Variants in RIMS1 observed in about 807,000 individuals in gnomAD.
The protein encoded by RIMS1 is regulating synaptic membrane exocytosis 1.
Under a neutral mutation model 214.1 loss-of-function variants are expected in RIMS1, and 83 were observed. The observed-to-expected ratio is 0.39, with a 90% CI of 0.32 to 0.47. The LOEUF (loss-of-function observed/expected upper bound fraction) is 0.47. Ranked by LOEUF, RIMS1 falls within the 20% of genes least tolerant of loss-of-function variation. The pLI is 0.99. For synonymous variants in RIMS1, 793 were observed against 786.8 expected, an observed-to-expected ratio of 1.01 and a Z score of -0.13; for missense variants, 2,050 against 2,161.8, an observed-to-expected ratio of 0.95 and a Z score of 1.03.
At chr6:72,037,512 T>G (rs749365010) in intron 2 of RIMS1, among the ~76,000 whole-genome samples, 8 of 150,954 alleles carry the variant, frequency 5.3e-5, no homozygotes, top group Non-Finnish European at 7.4e-5. Context: ...GAGGTTTTAG[T>G]TTTTTTTTAA....
intron 1 of RIMS1, among the ~76,000 whole-genome samples, chr6:71,935,886 G>A (rs957183537): frequency 3.9e-5 from 6 of 152,146 alleles, no homozygotes; most frequent in African/African-American, 1.2e-4. Context: ...TTCACCGGGA[G>A]CACCAAAGAA....
chr6:71,955,342 T>A (rs1468679267), intron 1 of RIMS1, among the ~76,000 whole-genome samples: 1 of 152,088 alleles, frequency 6.6e-6, no homozygotes, highest in Non-Finnish European at 1.5e-5. Context: ...AACTTTTGTA[T>A]TTTTAGTAGA....
chr6:71,994,127 G>C (rs1301349734), intron 2 of RIMS1, among the ~76,000 whole-genome samples: 1 of 152,148 alleles, frequency 6.6e-6, no homozygotes, highest in Non-Finnish European at 1.5e-5. Flanking sequence ...GATGGTAATG[G>C]GAATTCCCCT....
chr6:72,110,021 G>A (rs2035703060), intron 4 of RIMS1, among the ~76,000 whole-genome samples: 1 of 151,942 alleles, frequency 6.6e-6, no homozygotes, highest in South Asian at 2.1e-4. Context: ...TAGATATGTG[G>A]CGTTATTTCT....
chr6:72,240,491 AATAT>A (rs1331302334), intron 9 of RIMS1, among the ~76,000 whole-genome samples: 1 of 151,714 alleles, frequency 6.6e-6, no homozygotes, highest in East Asian at 1.9e-4. Context: ...ATATAATATG[AATAT>A]ATATACACAC....
chr6:72,060,888 C>G (rs78959046), intron 2 of RIMS1, among the ~76,000 whole-genome samples: 1 of 152,078 alleles, frequency 6.6e-6, no homozygotes. Context: ...GTACTTAACA[C>G]GTTTCCTTAT....
intron 2 of RIMS1, among the ~76,000 whole-genome samples, chr6:72,083,001 G>A (rs1833784200): frequency 6.6e-6 from 1 of 152,156 alleles, no homozygotes; most frequent in Non-Finnish European, 1.5e-5. Context: ...GTAAGGTAAT[G>A]ATACTTTGTC....
chr6:72,279,518 G>A lies in RIMS1; in HGVS notation c.3483-4529G>A, dbSNP rs919446309. Among the ~76,000 whole-genome samples the A allele has an allele frequency of 1.4e-4, 21 of 152,068 alleles. No individual in the cohort carries two copies. The East Asian group carries it at 3.1e-3, about 22-fold the overall frequency. Reference sequence around the variant, plus strand: ...AAAGGGAGAAAAACTCAAGATTTCTGATTCTTGCATGTTTAAAACCAAGTA... The same window carrying A: ...AAAGGGAGAAAAACTCAAGATTTCTAATTCTTGCATGTTTAAAACCAAGTA... On this transcript the variant is annotated intron_variant, in intron 23 of 33. Coordinates refer to ENST00000521978, the MANE Select transcript of RIMS1 (RefSeq NM_014989.7).
intron 29 of RIMS1, among the ~76,000 whole-genome samples, chr6:72,362,833 A>T (rs1240641061): frequency 6.6e-6 from 1 of 152,126 alleles, no homozygotes; most frequent in African/African-American, 2.4e-5. Flanking sequence ...TAGCACAGAG[A>T]ATATAGAATT....
chr6:71,903,125 C>T (rs978905434), intron 1 of RIMS1, among the ~76,000 whole-genome samples: 6 of 152,122 alleles, frequency 3.9e-5, no homozygotes, highest in African/African-American at 1.2e-4. Context: ...AATGGTTGAA[C>T]TAATTTACAT....
chr6:72,285,981 T>A (rs1011275984), intron 24 of RIMS1, among the ~76,000 whole-genome samples: 2 of 152,158 alleles, frequency 1.3e-5, no homozygotes, highest in Non-Finnish European at 2.9e-5. Context: ...GCAGATCATC[T>A]GAGGTCGGGA....
At chr6:72,306,243 A>G (rs1432619227) in intron 26 of RIMS1, among the ~76,000 whole-genome samples, 2 of 152,042 alleles carry the variant, frequency 1.3e-5, no homozygotes, top group South Asian at 2.1e-4. Context: ...ATACACACAC[A>G]CACGCATGCT....
intron 6 of RIMS1, among the ~76,000 whole-genome samples, chr6:72,187,829 GT>G (rs1434309798): frequency 2.0e-5 from 3 of 152,028 alleles, no homozygotes; most frequent in African/African-American, 7.3e-5. Context: ...GTGTATTAGG[GT>G]TCTCTAGAGG....
chr6:72,356,129 TA>T (rs1403992434), intron 29 of RIMS1, among the ~76,000 whole-genome samples: 1 of 152,166 alleles, frequency 6.6e-6, no homozygotes, highest in Non-Finnish European at 1.5e-5. Flanking sequence ...ATCTCTAAAT[TA>T]TGTCCACTTT....
chr6:72,260,696 T>A lies in RIMS1; in HGVS notation c.3054-9T>A, dbSNP rs1257225878. 6.2e-7 allele frequency: 1 copy of A among 1,612,252 alleles called. No homozygotes were observed. Among genetic ancestry groups the A allele is most frequent in the Admixed American group, 1.7e-5 (1 of 59,820 alleles). ...TCTGTTTCACTCACCACCCATCCTG[T>A]CTGTGCAGTGAGCTTCTTATGCTGC... On this transcript the variant is annotated splice_polypyrimidine_tract_variant and intron_variant, in intron 18 of 33. Coordinates refer to ENST00000521978, the MANE Select transcript of RIMS1 (RefSeq NM_014989.7).
intron 4 of RIMS1, among the ~76,000 whole-genome samples, chr6:72,117,961 T>C (rs1010524252): frequency 2.1e-4 from 32 of 151,480 alleles, no homozygotes; most frequent in African/African-American, 7.5e-4. Flanking sequence ...AGTAAAATAA[T>C]ACAAAAGAGA....
rs1596459182 is a variant in RIMS1 at position 72,400,921 on chromosome 6, A to G, written c.*207A>G. ...GCAATCTATCAAATTTACAGGAAGAATCAACATGCTGGTGAGAGTCACTGA... is the reference window on the plus strand; with the variant it reads ...GCAATCTATCAAATTTACAGGAAGAGTCAACATGCTGGTGAGAGTCACTGA... On this transcript the variant is annotated 3_prime_UTR_variant, in exon 34 of 34. Transcript: ENST00000521978. The G allele has an allele frequency of 1.9e-6, 1 of 536,978 alleles. No homozygotes were observed. Among genetic ancestry groups the G allele is most frequent in the East Asian group, 3.0e-5 (1 of 33,722 alleles). The allele number at this position is 536,978 out of a possible 1,614,324, so 33.3% of individuals were successfully genotyped here.
chr6:72,368,831 A>G (rs1022533602), intron 29 of RIMS1, among the ~76,000 whole-genome samples: 30 of 152,296 alleles, frequency 2.0e-4, no homozygotes, highest in Admixed American at 1.4e-3. Context: ...ATAGGAGTTC[A>G]GAGAGCAGTA....
chr6:72,043,242 A>G (rs2152095030), intron 2 of RIMS1, among the ~76,000 whole-genome samples: 1 of 151,994 alleles, frequency 6.6e-6, no homozygotes, highest in South Asian at 2.1e-4. Context: ...TGAAAAGGCA[A>G]GTTTCTCCCT....
Sources: gnomAD v4.1 joint callset for allele counts (sites outside exome capture counted in the v4.1 genomes callset) on GRCh38, gnomAD v4.1.1 for gene constraint, MANE v1.5 for transcripts, NCBI Gene and HGNC (gene_info 2026-07-23, HGNC 2026-07-21) for gene names.